WDR62: variants seen among roughly 807,000 people sequenced by gnomAD.
WDR62 encodes WD repeat domain 62, also known as WD repeat-containing protein 62.
Under a neutral mutation model 160.6 loss-of-function variants are expected in WDR62, and 112 were observed. That is an observed-to-expected ratio of 0.70 (90% CI 0.60 to 0.82). The LOEUF is 0.82. Among genes scored for constraint, WDR62 ranks in the 40% least tolerant of loss-of-function variants. The pLI, the probability that WDR62 is intolerant of heterozygous loss-of-function variation, is 0.00. For missense variants in WDR62, 1,819 were observed against 1,983.8 expected, an observed-to-expected ratio of 0.92 and a Z score of 1.58; for synonymous variants, 792 against 815.1, an observed-to-expected ratio of 0.97 and a Z score of 0.48.
intron 26 of WDR62, 166 bp downstream of exon 26, chr19:36,102,317 G>A: frequency 9.9e-7 from 1 of 1,013,922 alleles, no homozygotes; most frequent in Non-Finnish European, 1.5e-6. Context: ...CTGGAGTGCG[G>A]TGGCCCAATC....
At chr19:36,065,111 A>G (rs890682488) in intron 3 of WDR62, among the ~76,000 whole-genome samples, 9 of 152,186 alleles carry the variant, frequency 5.9e-5, no homozygotes, top group African/African-American at 2.2e-4. Context: ...CATAGTTGCA[A>G]GCATAAAACT....
chr19:36,102,848 C>A lies in WDR62; in HGVS notation c.3332C>A (p.Ser1111Tyr). The A allele has an allele frequency of 6.2e-7, 1 of 1,614,196 alleles. No homozygotes were observed. The highest frequency in any genetic ancestry group is 8.5e-7 in the Non-Finnish European group (1 of 1,180,022). Residue 1111 changes from serine (S) to tyrosine (Y), a missense_variant, in exon 27 of 32, where the codon TCC becomes TAC. Ser to Tyr is a moderately radical substitution (Grantham distance 144). Transcript: ENST00000401500. ...TQFLSSLQKA[S>Y]RFTHTFPPRA... ...TTCCTCTCAAGCCTCCAGAAGGCAT[C>A]CAGGTAGAAGCTGGCCAAGCACTGC...
chr19:36,078,798 T>C (rs1971726305), intron 9 of WDR62, among the ~76,000 whole-genome samples: 1 of 145,212 alleles, frequency 6.9e-6, no homozygotes, highest in Non-Finnish European at 1.5e-5. Context: ...ATCGTGCCAT[T>C]GCACTCCAGC....
chr19:36,092,857 A>G (rs1972715722), intron 19 of WDR62, 46 bp downstream of exon 19: 3 of 1,612,572 alleles, frequency 1.9e-6, no homozygotes, highest in Non-Finnish European at 2.5e-6. Context: ...AGTCCCTGCC[A>G]GGGCCCCATG....
rs781439730 is a variant in WDR62, at chr19:36,089,023, G to A, written c.1769-15G>A. On this transcript the variant is annotated splice_polypyrimidine_tract_variant and intron_variant, in intron 13 of 31. Coordinates refer to ENST00000401500, the MANE Select transcript of WDR62 (RefSeq NM_001083961.2). ...GGCCCAGCCCTGCCTAACACACAGC[G>A]TCCTCCTCCCCTAGGCAACAGAGAC... 13 of 1,613,516 alleles carry A rather than the reference G, an allele frequency of 8.1e-6. No homozygotes were observed. Among genetic ancestry groups the A allele is most frequent in the South Asian group, 5.5e-5 (5 of 91,058 alleles).
rs758661085 is a variant in WDR62, at chr19:36,099,403, G to C, written c.2525G>C (p.Gly842Ala). Residue 842 changes from glycine (G) to alanine (A), a missense_variant, in exon 22 of 32, where the codon GGG becomes GCG. This residue lies in a region of WDR62 where 934 missense variants were observed against 1,157.2 expected (regional missense o/e 0.81). Coordinates refer to ENST00000401500, the MANE Select transcript of WDR62 (RefSeq NM_001083961.2). ...KLPLWAKRLL[G>A]DDDVADGLAF... ...GACTGTCCGATATCCTTCAAGCTAG[G>C]GGACGATGATGTGGCAGATGGCTTG... 5.7e-5 allele frequency: 92 copies of C among 1,613,318 alleles called. 1 individual carries two copies. Among genetic ancestry groups the C allele is most frequent in the Non-Finnish European group, 2.0e-5 (24 of 1,179,958 alleles).
chr19:36,059,717 G>C (rs944046937), intron 2 of WDR62, among the ~76,000 whole-genome samples: 2 of 152,166 alleles, frequency 1.3e-5, no homozygotes, highest in African/African-American at 4.8e-5. Flanking sequence ...ATTATAGCCA[G>C]CTTAAGGTCT....
chr19:36,073,175 G>C (rs1448024722), intron 8 of WDR62, among the ~76,000 whole-genome samples, 167 bp from the exon 9 acceptor site: 3 of 152,224 alleles, frequency 2.0e-5, no homozygotes, highest in South Asian at 2.1e-4. Context: ...GAAAAGCAAA[G>C]CAGAGGAAGA....
rs957628145 is a variant in WDR62 at position 36,091,403 on chromosome 19, A to C, written c.2148A>C (p.Glu716Asp). Residue 716 changes from glutamate (E) to aspartate (D), a missense_variant and splice_region_variant, in exon 18 of 32, where the codon GAA (glutamate) becomes GAC (aspartate). Around this residue, in one of 3 missense-constraint regions of WDR62, gnomAD observed 934 missense variants for 1,157.2 expected, o/e 0.81. Coordinates refer to ENST00000401500, the MANE Select transcript of WDR62 (RefSeq NM_001083961.2). ...ECIAKMFGHS[E>D]IITSMKFTYD... ...GCAGCCTCTCTGCTTTGTTTGCAGA[A>C]ATTATTACCAGCATGAAGTTCACCT... 35 of 1,614,114 alleles carry C rather than the reference A, an allele frequency of 2.2e-5. No individual in the cohort carries two copies. The highest frequency in any genetic ancestry group is 3.0e-5 in the Non-Finnish European group (35 of 1,180,024).
chr19:36,090,724 CA>C (rs778438576), intron 16 of WDR62, among the ~76,000 whole-genome samples: 1 of 152,158 alleles, frequency 6.6e-6, no homozygotes, highest in African/African-American at 2.4e-5. Flanking sequence ...AGCCCTTCCC[CA>C]AGTGGGGCGT....
chr19:36,095,725 C>T (rs760971502), intron 20 of WDR62, among the ~76,000 whole-genome samples: 2 of 152,178 alleles, frequency 1.3e-5, no homozygotes, highest in Non-Finnish European at 2.9e-5. Context: ...ACCTGGGAGA[C>T]GGAGGTTGCA....
intron 13 of WDR62, among the ~76,000 whole-genome samples, chr19:36,088,181 C>T (rs2145759151): frequency 6.6e-6 from 1 of 152,250 alleles, no homozygotes; most frequent in Admixed American, 6.5e-5. Flanking sequence ...TGCCCAGACT[C>T]AGAGTTTTAT....
At chr19:36,108,775 G>A (rs573092082), downstream of WDR62, among the ~76,000 whole-genome samples, 1 of 150,810 alleles carries the variant, frequency 6.6e-6, no homozygotes, top group Non-Finnish European at 1.5e-5. Context: ...GATCACTTGA[G>A]CCCAGGAGCT....
chr19:36,067,530 G>A, intron 6 of WDR62, 87 bp downstream of exon 6: 4 of 1,588,552 alleles, frequency 2.5e-6, no homozygotes, highest in East Asian at 2.2e-5. Flanking sequence ...CCTGAGATTT[G>A]AGGGCAGCGG....
intron 3 of WDR62, among the ~76,000 whole-genome samples, chr19:36,065,036 G>A (rs1021324762): frequency 3.3e-5 from 5 of 152,180 alleles, no homozygotes; most frequent in African/African-American, 1.2e-4. Flanking sequence ...GAGTATTTCA[G>A]GAAGTCCCAC....
chr19:36,073,787 CGGGGAA>C (rs1037177107), intron 9 of WDR62: 22 of 537,184 alleles, frequency 4.1e-5, no homozygotes, highest in Admixed American at 2.5e-4. Context: ...AAAAATGAGG[CGGGGAA>C]GGGGAAGGGG....
chr19:36,102,271 G>C, intron 26 of WDR62, 120 bp downstream of exon 26: 1 of 1,446,840 alleles, frequency 6.9e-7, no homozygotes, highest in East Asian at 2.3e-5. Flanking sequence ...CAACTGCTTC[G>C]TTTTTTTTGA....
chr19:36,083,822 A>T (rs1236730093), intron 11 of WDR62, among the ~76,000 whole-genome samples: 1 of 152,228 alleles, frequency 6.6e-6, no homozygotes, highest in Non-Finnish European at 1.5e-5. Context: ...AAGGGGCAGC[A>T]GCCACCAGGC....
At chr19:36,086,569 A>T in intron 12 of WDR62, 118 bp from the exon 13 acceptor site, 1 of 1,333,216 alleles carries the variant, frequency 7.5e-7, no homozygotes, top group Non-Finnish European at 1.0e-6. Flanking sequence ...AGTTGGCTAC[A>T]GTTGAAGAAC....
Sources: gnomAD v4.1 joint callset for allele counts (sites outside exome capture counted in the v4.1 genomes callset) on GRCh38, gnomAD v4.1.1 for gene constraint, gnomAD v4.1.1 regional missense constraint, MANE v1.5 for transcripts, NCBI Gene and HGNC (gene_info 2026-07-23, HGNC 2026-07-21) for gene names.